The following LRRK2 variants were observed in gnomAD, a reference collection of about 807,000 sequenced individuals.
The protein encoded by LRRK2 is leucine rich repeat kinase 2, also known as leucine-rich repeat serine/threonine-protein kinase 2.
A neutral mutation model predicts 302.6 loss-of-function variants in LRRK2; 203 were observed. The observed-to-expected ratio is 0.67, with a 90% CI of 0.60 to 0.75. LRRK2 has a LOEUF of 0.75. LRRK2 is among the 30% of genes least tolerant of loss of function. LRRK2 has a pLI of 0.00. For missense variants in LRRK2, 2,830 were observed against 2,951.0 expected, an observed-to-expected ratio of 0.96 and a Z score of 0.95; for synonymous variants, 1,066 against 1,031.9, an observed-to-expected ratio of 1.03 and a Z score of -0.63.
intron 7 of LRRK2, among the ~76,000 whole-genome samples, chr12:40,248,569 G>A (rs1313187930): frequency 6.6e-6 from 1 of 152,162 alleles, no homozygotes; most frequent in Non-Finnish European, 1.5e-5. Context: ...GTAGCTGAAT[G>A]AAACTCTTAA....
intron 25 of LRRK2, among the ~76,000 whole-genome samples, chr12:40,301,725 C>T (rs1304767695): frequency 6.6e-6 from 1 of 152,246 alleles, no homozygotes; most frequent in South Asian, 2.1e-4. Flanking sequence ...TTCCTAGAAA[C>T]GGTAGATTTG....
chr12:40,318,803 C>G (rs1945306533), intron 33 of LRRK2, among the ~76,000 whole-genome samples: 1 of 152,004 alleles, frequency 6.6e-6, no homozygotes, highest in South Asian at 2.1e-4. Context: ...TCTTTACCAC[C>G]TAAACTGTAA....
At chr12:40,328,571 A>G (rs1342221715) in intron 39 of LRRK2, 111 bp downstream of exon 39, 2 of 799,416 alleles carry the variant, frequency 2.5e-6, no homozygotes, top group African/African-American at 3.5e-5. Flanking sequence ...TTTCTACTTA[A>G]GTTTAATTAT....
chr12:40,348,900 G>A (rs1049225205), intron 43 of LRRK2, among the ~76,000 whole-genome samples: 2 of 151,882 alleles, frequency 1.3e-5, no homozygotes, highest in Non-Finnish European at 2.9e-5. Context: ...TAGGGTGCCC[G>A]TTAATGAATG....
chr12:40,273,761 A>G (rs1943331961), intron 14 of LRRK2, among the ~76,000 whole-genome samples: 1 of 152,172 alleles, frequency 6.6e-6, no homozygotes, highest in Non-Finnish European at 1.5e-5. Context: ...CATTCATATC[A>G]AGGTAGATGT....
intron 32 of LRRK2, 121 bp downstream of exon 32, chr12:40,314,294 GC>G: frequency 1.0e-6 from 1 of 998,296 alleles, no homozygotes; most frequent in South Asian, 1.4e-5. Context: ...TCTTTAATAG[GC>G]CACTGATTTT....
At chr12:40,305,512 A>G (rs2136791672) in intron 27 of LRRK2, among the ~76,000 whole-genome samples, 1 of 152,266 alleles carries the variant, frequency 6.6e-6, no homozygotes, top group Admixed American at 6.5e-5. Flanking sequence ...TCTTGAAGAG[A>G]TGAAGTATGT....
At chr12:40,318,506 A>G (rs1565746748) in intron 33 of LRRK2, among the ~76,000 whole-genome samples, 1 of 152,088 alleles carries the variant, frequency 6.6e-6, no homozygotes, top group Non-Finnish European at 1.5e-5. Flanking sequence ...ATTAGCCCCT[A>G]TGATACAGAT....
At chr12:40,294,132 CATCTATCTATCTATCT>C (rs72446556) in intron 21 of LRRK2, among the ~76,000 whole-genome samples, 5,702 of 149,172 alleles carry the variant, frequency 0.038, 217 homozygotes, top group South Asian at 0.19. Flanking sequence ...ATCTATCTAT[CATCTATCTATCTATCT>C]ATCTATCTAT....
At chr12:40,352,483 TG>T (rs1946384211) in intron 44 of LRRK2, among the ~76,000 whole-genome samples, 1 of 148,932 alleles carries the variant, frequency 6.7e-6, no homozygotes. Context: ...TTTTTTTAAT[TG>T]ATCATTCTTG....
chr12:40,289,934 T>C (rs1045015254), intron 20 of LRRK2, among the ~76,000 whole-genome samples: 1 of 151,930 alleles, frequency 6.6e-6, no homozygotes, highest in Non-Finnish European at 1.5e-5. Flanking sequence ...TTTTTTCTTG[T>C]CCTATTGCAC....
chr12:40,353,806 A>G (rs1946443796), intron 44 of LRRK2, among the ~76,000 whole-genome samples: 1 of 152,106 alleles, frequency 6.6e-6, no homozygotes, highest in Non-Finnish European at 1.5e-5. Flanking sequence ...ACACAGCGAA[A>G]CCCCGTCTCC....
chr12:40,258,695 G>T (rs900579133), intron 12 of LRRK2, among the ~76,000 whole-genome samples: 3 of 152,150 alleles, frequency 2.0e-5, no homozygotes, highest in Non-Finnish European at 2.9e-5. Context: ...TGTAAAAGAC[G>T]CAATGGTAAG....
chr12:40,358,635 A>G (rs1413865366), intron 46 of LRRK2, among the ~76,000 whole-genome samples: 1 of 152,016 alleles, frequency 6.6e-6, no homozygotes, highest in Non-Finnish European at 1.5e-5. Flanking sequence ...CTTGTAATAT[A>G]TTTTCAAGTC....
rs1248613826 is a variant in LRRK2, at chr12:40,251,332, T to C, written c.1059T>C (p.Cys353=). 6.2e-7 allele frequency: 1 copy of C among 1,613,968 alleles called. No homozygotes were observed. Among genetic ancestry groups the C allele is most frequent in the Non-Finnish European group, 8.5e-7 (1 of 1,179,902 alleles). Residue 353 remains cysteine (C), a synonymous_variant, in exon 9 of 51, where the codon TGT becomes TGC. Transcript: ENST00000298910. ...EEDKLFWLEA[C]YKALTWHRKN... ...ATAAATTGTTTTGGCTGGAAGCCTG[T>C]TACAAAGCATTAACGTGGCATAGAA...
At chr12:40,330,717 A>G (rs1429742461) in intron 39 of LRRK2, among the ~76,000 whole-genome samples, 12 of 152,208 alleles carry the variant, frequency 7.9e-5, no homozygotes, top group Non-Finnish European at 1.5e-5. Context: ...TGGAGCCTAT[A>G]TCTAGTTACT....
chr12:40,288,855 G>A (rs1437572703), intron 20 of LRRK2, among the ~76,000 whole-genome samples: 1 of 151,780 alleles, frequency 6.6e-6, no homozygotes, highest in African/African-American at 2.4e-5. Context: ...CCCAGTCATA[G>A]CTTGTCTTTT....
At chr12:40,264,437 G>T (rs1224237362) in intron 14 of LRRK2, among the ~76,000 whole-genome samples, 1 of 152,166 alleles carries the variant, frequency 6.6e-6, no homozygotes, top group Non-Finnish European at 1.5e-5. Flanking sequence ...TGGCCAACAT[G>T]GTGAAACCCT....
At chr12:40,302,724 T>A in intron 25 of LRRK2, 65 bp from the exon 26 acceptor site, 1 of 1,140,256 alleles carries the variant, frequency 8.8e-7, no homozygotes, top group South Asian at 1.2e-5. Flanking sequence ...GCTGTTCTTA[T>A]TTTTGAATTT....
Sources: allele counts gnomAD v4.1 joint callset (sites outside exome capture counted in the v4.1 genomes callset), GRCh38; gene constraint gnomAD v4.1.1; transcripts MANE v1.5; gene names NCBI Gene and HGNC (gene_info 2026-07-23, HGNC 2026-07-21).